The following KCNIP1 variants were observed in gnomAD, a reference collection of about 807,000 sequenced individuals.
KCNIP1 encodes the protein A-type potassium channel modulatory protein KCNIP1.
In KCNIP1, 18 loss-of-function variants were observed where a neutral mutation model predicts 33.0. The observed-to-expected ratio is 0.55, with a 90% CI of 0.38 to 0.81. The LOEUF is 0.81. KCNIP1 is among the 30% of genes least tolerant of loss of function. The probability of loss-of-function intolerance (pLI) is 0.00; values close to 1 mark genes in which losing one functional copy is unlikely to be tolerated. For missense variants in KCNIP1, 238 were observed against 271.6 expected (o/e 0.88, Z 0.87); for synonymous variants, 93 against 98.3 (o/e 0.95, Z 0.32).
At chr5:170,432,616 C>T (rs778023787) in intron 1 of KCNIP1, among the ~76,000 whole-genome samples, 53 of 152,306 alleles carry the variant, frequency 3.5e-4, no homozygotes, top group Middle Eastern at 6.8e-3. Context: ...GCCAGCCTAA[C>T]GCTCTGAAGC....
intron 1 of KCNIP1, among the ~76,000 whole-genome samples, chr5:170,713,497 G>A (rs371400992): frequency 1.8e-4 from 27 of 152,296 alleles, no homozygotes; most frequent in African/African-American, 6.5e-4. Context: ...CTGCCCAGAG[G>A]GGACAGCCGG....
Position 170,697,704 on chromosome 5 carries a change from C to A in KCNIP1, c.62-21054C>A, listed in dbSNP as rs370600786. ...ACTGTGCCGTGAACTTCTTTCTGACCCTCATGGCTCCCAGCACAGCATCCA... is the reference window on the plus strand; with the variant it reads ...ACTGTGCCGTGAACTTCTTTCTGACACTCATGGCTCCCAGCACAGCATCCA... On this transcript the variant is annotated intron_variant, in intron 1 of 7. Transcript: ENST00000328939. Among the ~76,000 whole-genome samples the A allele has an allele frequency of 2.2e-4, 34 of 152,188 alleles. No individual in the cohort carries two copies. The East Asian group carries it at 3.7e-3, about 16-fold the overall frequency.
chr5:170,501,080 T>G (rs1757401085), upstream of KCNIP1, among the ~76,000 whole-genome samples: 1 of 152,096 alleles, frequency 6.6e-6, no homozygotes, highest in South Asian at 2.1e-4. Context: ...TGTAAAGCAG[T>G]TAAAACAGTC....
intron 1 of KCNIP1, among the ~76,000 whole-genome samples, chr5:170,496,523 G>A (rs1040595199): frequency 1.3e-5 from 2 of 152,192 alleles, no homozygotes; most frequent in African/African-American, 4.8e-5. Context: ...TGGGGCTATT[G>A]AAATGATTAA....
At chr5:170,464,389 G>C (rs1554094375) in intron 1 of KCNIP1, among the ~76,000 whole-genome samples, 1 of 152,170 alleles carries the variant, frequency 6.6e-6, no homozygotes, top group Non-Finnish European at 1.5e-5. Context: ...AAAAGCTATT[G>C]CTGGAATTCA....
chr5:170,495,848 G>C (rs1175279767), intron 1 of KCNIP1, among the ~76,000 whole-genome samples: 2 of 152,222 alleles, frequency 1.3e-5, no homozygotes, highest in African/African-American at 4.8e-5. Context: ...CCCAGAGTCA[G>C]TCCTCAGCAC....
At chr5:170,678,985 T>C (rs1762237966) in intron 1 of KCNIP1, 1 of 152,234 alleles carries the variant, frequency 6.6e-6, no homozygotes, top group South Asian at 2.1e-4. Context: ...GATATGTGAA[T>C]GCCTAAAATC....
At chr5:170,708,912 A>G (rs939242595) in intron 1 of KCNIP1, among the ~76,000 whole-genome samples, 7 of 152,258 alleles carry the variant, frequency 4.6e-5, no homozygotes. Context: ...AAAAGAAAAA[A>G]AGAAATTGAA....
intron 1 of KCNIP1, among the ~76,000 whole-genome samples, chr5:170,601,788 G>A (rs767270893): frequency 2.6e-5 from 4 of 152,200 alleles, no homozygotes; most frequent in Admixed American, 6.5e-5. Context: ...GCACTGTAAC[G>A]GAGGCATCGA....
intron 1 of KCNIP1, among the ~76,000 whole-genome samples, chr5:170,685,515 G>A (rs569010112): frequency 5.3e-5 from 8 of 151,746 alleles, no homozygotes; most frequent in Non-Finnish European, 7.4e-5. Context: ...TTGAGACCGA[G>A]TCTCACTCTG....
intron 1 of KCNIP1, among the ~76,000 whole-genome samples, chr5:170,645,237 A>C (rs546180887): frequency 1.3e-5 from 2 of 152,368 alleles, no homozygotes; most frequent in Middle Eastern, 3.4e-3. Flanking sequence ...AATCCGCCTC[A>C]GTCAGGCTTT....
At chr5:170,453,150 G>A (rs2113080305) in intron 1 of KCNIP1, among the ~76,000 whole-genome samples, 1 of 152,290 alleles carries the variant, frequency 6.6e-6, no homozygotes, top group Non-Finnish European at 1.5e-5. Context: ...CCTCCAAATT[G>A]ACGACTTGAA....
chr5:170,377,968 G>A (rs1283878314), intron 1 of KCNIP1: 2 of 151,808 alleles, frequency 1.3e-5, no homozygotes, highest in East Asian at 3.9e-4. Context: ...CTGTGAGGGG[G>A]ACACACTCTT....
At position 170,388,638 on chromosome 5, in the gene KCNIP1, G is replaced by GA. The variant is rs1764584705; in HGVS notation, c.88+34676dup. 2.0e-5 allele frequency among the ~76,000 whole-genome samples: 3 copies of GA among 152,196 alleles called. 1 individual carries two copies. In the South Asian group the frequency reaches 6.2e-4, roughly 32 times the overall value. The stretch of plus-strand genomic sequence containing the variant: ...AGCTGGGTCGACATCCTTTTCCTTA[G>GA]AAGGACAAGGAATAGAGTACATTGT... On this transcript the variant is annotated intron_variant, in intron 1 of 7. Transcript: ENST00000377360.
chr5:170,642,604 C>T (rs545973471), intron 1 of KCNIP1, among the ~76,000 whole-genome samples: 143 of 152,270 alleles, frequency 9.4e-4, no homozygotes, highest in Non-Finnish European at 1.4e-3. Context: ...GCCCCATAGC[C>T]GGGAGTAAAG....
intron 1 of KCNIP1, among the ~76,000 whole-genome samples, chr5:170,689,591 G>A (rs2113812017): frequency 6.6e-6 from 1 of 152,312 alleles, no homozygotes; most frequent in East Asian, 1.9e-4. Context: ...ACCAGAGAAG[G>A]CTTCCAAAGA....
chr5:170,425,458 G>A (rs1755592188), intron 1 of KCNIP1, among the ~76,000 whole-genome samples: 1 of 152,134 alleles, frequency 6.6e-6, no homozygotes, highest in South Asian at 2.1e-4. Context: ...GTCATGGGGG[G>A]AGGCAGAGAG....
intron 1 of KCNIP1, among the ~76,000 whole-genome samples, chr5:170,675,609 G>A (rs1762103694): frequency 2.0e-5 from 3 of 152,160 alleles, no homozygotes; most frequent in African/African-American, 4.8e-5. Flanking sequence ...AACAGAGCAA[G>A]CCCCCATCTC....
At chr5:170,731,741 A>G (rs1369333124) in intron 5 of KCNIP1, among the ~76,000 whole-genome samples, 1 of 151,854 alleles carries the variant, frequency 6.6e-6, no homozygotes, top group Non-Finnish European at 1.5e-5. Flanking sequence ...AAACTCATAC[A>G]GATTAGAAGA....
Sources: gnomAD v4.1 joint callset for allele counts (sites outside exome capture counted in the v4.1 genomes callset) on GRCh38, gnomAD v4.1.1 for gene constraint, MANE v1.5 for transcripts, NCBI Gene and HGNC (gene_info 2026-07-23, HGNC 2026-07-21) for gene names.